The following EEF2KMT variants were observed in gnomAD, a reference collection of about 807,000 sequenced individuals.
EEF2KMT encodes protein-lysine N-methyltransferase EEF2KMT.
EEF2KMT carries 30 observed loss-of-function variants against 35.1 expected under a neutral mutation model. That is an observed-to-expected ratio of 0.85 (90% confidence interval 0.64 to 1.16). EEF2KMT has a LOEUF of 1.16. Among genes scored for constraint, EEF2KMT ranks in the 50% most tolerant of loss-of-function variants. The pLI is 0.00. For synonymous variants in EEF2KMT, 190 were observed against 187.7 expected (o/e 1.01, Z -0.10); for missense variants, 499 against 438.2 (o/e 1.14, Z -1.24).
chr16:5,086,146 G>T (rs1332785130), intron 7 of EEF2KMT, among the ~76,000 whole-genome samples: 2 of 152,166 alleles, frequency 1.3e-5, no homozygotes, highest in Non-Finnish European at 2.9e-5. Context: ...GACCAGCCTG[G>T]CCAACATGGT....
chr16:5,087,536 C>T (rs144922267), intron 7 of EEF2KMT, among the ~76,000 whole-genome samples: 1,784 of 152,250 alleles, frequency 0.012, 39 homozygotes, highest in African/African-American at 0.04. Context: ...CAGTAGCTCA[C>T]GCCCGTATTC....
intron 6 of EEF2KMT, among the ~76,000 whole-genome samples, chr16:5,089,697 G>A (rs1204166696): frequency 2.6e-5 from 4 of 152,150 alleles, no homozygotes; most frequent in Non-Finnish European, 5.9e-5. Flanking sequence ...TTCCACCAGA[G>A]AGGGGACTGA....
rs140633124 is a variant in EEF2KMT at position 5,089,113 on chromosome 16, C to G, written c.886G>C (p.Glu296Gln). The G allele has an allele frequency of 2.5e-6, 4 of 1,612,700 alleles. No homozygotes were observed. The highest frequency in any genetic ancestry group is 2.5e-6 in the Non-Finnish European group (3 of 1,179,852). Residue 296 changes from glutamate (E) to glutamine (Q), a missense_variant, in exon 7 of 8, where the codon GAG (glutamate) becomes CAG (glutamine). Physicochemically the swap from Glu to Gln is conservative, Grantham distance 29. Transcript: ENST00000427587. ...GGTGGGCGTGGAGGCTCACCTAGCT[C>G]GGTGGTGAACAGCTGGCACGTCTCT... ...NPETCQLFTTELGRAGIRWEV... is the reference protein window; with the variant it reads ...NPETCQLFTTQLGRAGIRWEV...
Position 5,085,483 on chromosome 16 carries a change from A to C in EEF2KMT, c.*149T>G. 4.3e-6 allele frequency: 3 copies of C among 702,060 alleles called. No homozygotes were observed. Among genetic ancestry groups the C allele is most frequent in the South Asian group, 3.3e-5 (2 of 60,752 alleles). The allele number at this position is 702,060 out of a possible 1,614,324, so 43.5% of individuals were successfully genotyped here. A position where few individuals can be genotyped will look rare whatever the true frequency, so the allele number is the denominator to read the frequency against. Reference sequence around the variant, plus strand: ...CACACGCTTAGATAGCCGATGTCTTATTAGAGGGCAGTTTGTGGTTCCTGA... The same window carrying C: ...CACACGCTTAGATAGCCGATGTCTTCTTAGAGGGCAGTTTGTGGTTCCTGA... On this transcript the variant is annotated 3_prime_UTR_variant, in exon 8 of 8. Coordinates refer to ENST00000427587, the MANE Select transcript of EEF2KMT (RefSeq NM_201400.4).
chr16:5,091,460 C>T (rs1408133384), intron 4 of EEF2KMT, among the ~76,000 whole-genome samples: 1 of 152,182 alleles, frequency 6.6e-6, no homozygotes, highest in Non-Finnish European at 1.5e-5. Flanking sequence ...TCAGATGCAA[C>T]CACTTCGGCC....
At position 5,085,491 on chromosome 16, in the gene EEF2KMT, G is replaced by T; in HGVS notation, c.*141C>A. 1.4e-6 allele frequency: 1 copy of T among 722,212 alleles called. No individual in the cohort carries two copies. Among genetic ancestry groups the T allele is most frequent in the Non-Finnish European group, 2.5e-6 (1 of 398,652 alleles). The allele number at this position is 722,212 out of a possible 1,614,324, so 44.7% of individuals were successfully genotyped here. A position where few individuals can be genotyped will look rare whatever the true frequency, so the allele number is the denominator to read the frequency against. ...TAGATAGCCGATGTCTTATTAGAGGGCAGTTTGTGGTTCCTGATTTGGAAA... is the reference window on the plus strand; with the variant it reads ...TAGATAGCCGATGTCTTATTAGAGGTCAGTTTGTGGTTCCTGATTTGGAAA... On this transcript the variant is annotated 3_prime_UTR_variant, in exon 8 of 8. Transcript: ENST00000427587.
At chr16:5,088,719 G>T (rs991756377) in intron 7 of EEF2KMT, among the ~76,000 whole-genome samples, 14 of 152,182 alleles carry the variant, frequency 9.2e-5, no homozygotes, top group Admixed American at 7.9e-4. Flanking sequence ...TCAGGACAGT[G>T]GCGTGGTGGA....
chr16:5,097,231 C>A (rs1426472351), intron 1 of EEF2KMT: 2 of 1,215,770 alleles, frequency 1.6e-6, no homozygotes, highest in East Asian at 5.5e-5. Flanking sequence ...TACTGAGGCA[C>A]GAGGGACAGC....
At chr16:5,088,459 G>A (rs1354071423) in intron 7 of EEF2KMT, among the ~76,000 whole-genome samples, 1 of 152,194 alleles carries the variant, frequency 6.6e-6, no homozygotes, top group Non-Finnish European at 1.5e-5. Context: ...AAAGGCTGGT[G>A]GCACTGGGGG....
intron 2 of EEF2KMT, among the ~76,000 whole-genome samples, chr16:5,095,167 ATC>A (rs1430963615): frequency 5.3e-5 from 8 of 152,236 alleles, no homozygotes; most frequent in Non-Finnish European, 1.0e-4. Context: ...TGCACCTGTC[ATC>A]TCTGTTTTTG....
chr16:5,090,514 C>A lies in EEF2KMT; in HGVS notation c.394G>T (p.Gly132Cys), dbSNP rs573199881. ...LSESTAIISY[G>C]TTGLVTWDAA... ...TCCCATGTGACCAGGCCTGTGGTAC[C>A]GTAGGAGATGATGGCCGTGCTCTCG... The change falls in exon 5 of 8, where the codon GGT becomes TGT. Residue 132 changes from glycine to cysteine, a missense_variant. Physicochemically the swap from Gly to Cys is radical, Grantham distance 159. Coordinates refer to ENST00000427587, the MANE Select transcript of EEF2KMT (RefSeq NM_201400.4). The surrounding 1 kb of genome is among the most constrained non-coding windows in gnomAD (Gnocchi z 4.1). 6.2e-7 allele frequency: 1 copy of A among 1,611,936 alleles called. No homozygotes were observed. The highest frequency in any genetic ancestry group is 1.7e-5 in the Admixed American group (1 of 60,012).
intron 2 of EEF2KMT, among the ~76,000 whole-genome samples, chr16:5,094,797 T>TGG (rs1252220664): frequency 3.4e-4 from 5 of 14,554 alleles, no homozygotes; most frequent in Non-Finnish European, 6.6e-4. Flanking sequence ...ATGGGCTGGG[T>TGG]GGGTGGGGGT....
chr16:5,084,922 C>T lies in EEF2KMT; in HGVS notation c.*710G>A, dbSNP rs1957101268. 6.3e-7 allele frequency: 1 copy of T among 1,596,276 alleles called. No individual in the cohort carries two copies. The highest frequency in any genetic ancestry group is 8.5e-7 in the Non-Finnish European group (1 of 1,179,754). ...CTAAAACCCCAGGACCCCTGCTGTC[C>T]TTCCCGCAGCTTCTTCTTGGAGTCT... On this transcript the variant is annotated 3_prime_UTR_variant, in exon 8 of 8. Coordinates refer to ENST00000427587, the MANE Select transcript of EEF2KMT (RefSeq NM_201400.4).
At chr16:5,089,280 T>C (rs1473742766) in intron 6 of EEF2KMT, 24 bp from the exon 7 acceptor site, 2 of 1,600,292 alleles carry the variant, frequency 1.2e-6, no homozygotes, top group Non-Finnish European at 1.7e-6. Context: ...TTCAGGTTAC[T>C]GAAAGGGACC....
intron 7 of EEF2KMT, among the ~76,000 whole-genome samples, chr16:5,088,252 C>T (rs553473886): frequency 3.6e-4 from 37 of 102,194 alleles, no homozygotes; most frequent in African/African-American, 1.3e-3. Flanking sequence ...GCCTCCTGTG[C>T]GAGGTTGTGG....
chr16:5,097,579 C>G, intron 1 of EEF2KMT, 65 bp downstream of exon 1: 1 of 1,528,048 alleles, frequency 6.5e-7, no homozygotes. Flanking sequence ...AGCACGGAGA[C>G]CCGTCCCGTC....
intron 7 of EEF2KMT, among the ~76,000 whole-genome samples, chr16:5,088,266 G>T (rs1302514329): frequency 6.6e-6 from 1 of 150,882 alleles, no homozygotes; most frequent in East Asian, 1.9e-4. Flanking sequence ...GTTGTGGGGG[G>T]ACTCTGTCGT....
Position 5,090,540 on chromosome 16 carries a change from G to C in EEF2KMT, c.368C>G (p.Ser123Cys), listed in dbSNP as rs9673733. The C allele has an allele frequency of 0.082, 132,904 of 1,611,490 alleles. 6,066 individuals carry two copies. Among genetic ancestry groups the C allele is most frequent in the Admixed American group, 0.16 (9,840 of 59,990 alleles). ...LLPSGGSVTL[S>C]ESTAIISYGT... ...GTAGGAGATGATGGCCGTGCTCTCG[G>C]AGAGTGTGACCGAGCCTCCCGAGGG... is the stretch of plus-strand genomic sequence containing the variant. Residue 123 changes from serine to cysteine, a missense_variant, in exon 5 of 8, where the codon TCC becomes TGC. Ser to Cys is a moderately radical substitution (Grantham distance 112). Coordinates refer to ENST00000427587, the MANE Select transcript of EEF2KMT (RefSeq NM_201400.4). The surrounding 1 kb of genome is among the most constrained non-coding windows in gnomAD (Gnocchi z 4.1).
In EEF2KMT at chr16:5,090,446, T is replaced by C. The variant is rs931890256; in HGVS notation, c.462A>G (p.Ala154=). ...YLAEWAIENP[A]VFTNRTVLEL... ...CCCGAGGTCACCTGTTAGTGAAGAC[T>C]GCCGGGTTCTCGATGGCCCATTCTG... The change falls in exon 5 of 8, where the codon GCA becomes GCG. Residue 154 remains alanine, a synonymous_variant. Coordinates refer to ENST00000427587, the MANE Select transcript of EEF2KMT (RefSeq NM_201400.4). This position sits in a 1 kb window ranked among gnomAD's most constrained non-coding sequence, Gnocchi z 4.1. 3.1e-6 allele frequency: 5 copies of C among 1,611,798 alleles called. No individual in the cohort carries two copies. The African/African-American group carries it at 5.3e-5, about 17-fold the overall frequency.
Sources: allele counts gnomAD v4.1 joint callset (sites outside exome capture counted in the v4.1 genomes callset), GRCh38; gene constraint gnomAD v4.1.1; non-coding constraint Gnocchi (gnomAD v3.1); transcripts MANE v1.5; gene names NCBI Gene and HGNC (gene_info 2026-07-23, HGNC 2026-07-21).